PRTG: variants seen among roughly 807,000 people sequenced by gnomAD.
PRTG encodes protogenin, also known as immunoglobulin superfamily, DCC subclass, member 5.
A neutral mutation model predicts 122.5 loss-of-function variants in PRTG; 67 were observed. The ratio of observed to expected loss-of-function variants is 0.55; its 90% CI spans 0.45 to 0.67. The LOEUF (loss-of-function observed/expected upper bound fraction) is 0.67, where lower values mean the gene tolerates loss of function less well. Among genes scored for constraint, PRTG ranks in the 30% least tolerant of loss-of-function variants. PRTG has a pLI of 0.00. For synonymous variants in PRTG, 554 were observed against 501.1 expected (o/e 1.11, Z -1.41); for missense variants, 1,435 against 1,415.4 (o/e 1.01, Z -0.22).
intron 11 of PRTG, among the ~76,000 whole-genome samples, chr15:55,658,315 TA>T (rs2059391415): frequency 6.6e-6 from 1 of 151,586 alleles, no homozygotes; most frequent in African/African-American, 2.4e-5. Context: ...TTATTGTTTT[TA>T]TTTTTTTTTT....
At chr15:55,664,103 A>G (rs868713308) in intron 11 of PRTG, among the ~76,000 whole-genome samples, 4 of 152,080 alleles carry the variant, frequency 2.6e-5, no homozygotes, top group Middle Eastern at 6.8e-3. Flanking sequence ...ATTTGTGTAC[A>G]GTTTTTTTGT....
chr15:55,706,539 G>A (rs138324990), intron 2 of PRTG, among the ~76,000 whole-genome samples: 239 of 144,270 alleles, frequency 1.7e-3, no homozygotes, highest in African/African-American at 6.0e-3. Context: ...AAGGCCAGGA[G>A]TTTGAGACCT....
intron 18 of PRTG, 39 bp downstream of exon 18, chr15:55,624,303 G>A: frequency 6.3e-7 from 1 of 1,593,768 alleles, no homozygotes; most frequent in Non-Finnish European, 8.6e-7. Context: ...GAGGAGGAAT[G>A]GAAGAACGGC....
intron 3 of PRTG, 102 bp from the exon 4 acceptor site, chr15:55,682,599 T>C (rs2059546845): frequency 1.0e-5 from 4 of 391,878 alleles, no homozygotes; most frequent in Non-Finnish European, 1.5e-5. Flanking sequence ...AGTTTCACTC[T>C]TGTTGCCCCG....
At chr15:55,662,742 G>A (rs959066299) in intron 11 of PRTG, among the ~76,000 whole-genome samples, 1 of 152,118 alleles carries the variant, frequency 6.6e-6, no homozygotes, top group African/African-American at 2.4e-5. Context: ...ATTTCAATGA[G>A]ATTTGCTGGA....
Position 55,692,943 on chromosome 15 carries a change from C to A in PRTG, c.398-9012G>T, listed in dbSNP as rs560892882. Among the ~76,000 whole-genome samples the A allele has an allele frequency of 2.1e-5, 3 of 145,142 alleles. No individual in the cohort carries two copies. In the East Asian group the frequency reaches 6.4e-4, roughly 31 times the overall value. The stretch of plus-strand genomic sequence containing the variant: ...GCAACCTCTGTCTCCCGGGTTCAAG[C>A]AATTCTCCTGCTTCAGCCTCCCCAG... On this transcript the variant is annotated intron_variant, in intron 2 of 19. Transcript: ENST00000389286.
chr15:55,711,796 T>C (rs1191747662), intron 2 of PRTG, among the ~76,000 whole-genome samples: 2 of 152,202 alleles, frequency 1.3e-5, no homozygotes, highest in East Asian at 1.9e-4. Flanking sequence ...TAGACAATAA[T>C]ATATACTTAC....
intron 2 of PRTG, among the ~76,000 whole-genome samples, chr15:55,714,783 A>T (rs2030537026): frequency 6.6e-6 from 1 of 152,190 alleles, no homozygotes; most frequent in Non-Finnish European, 1.5e-5. Context: ...ATCAAAATTG[A>T]GCAGCTTCTT....
chr15:55,665,507 G>GTT (rs372611832), intron 11 of PRTG, among the ~76,000 whole-genome samples: 1 of 121,520 alleles, frequency 8.2e-6, no homozygotes, highest in Non-Finnish European at 1.6e-5. Context: ...GGTTTTTTTT[G>GTT]TTTTTTTTTT....
At chr15:55,700,623 A>T in intron 2 of PRTG, among the ~76,000 whole-genome samples, 1 of 152,052 alleles carries the variant, frequency 6.6e-6, no homozygotes, top group Non-Finnish European at 1.5e-5. Context: ...CTCAACAAAA[A>T]ATAAACAACT....
At position 55,620,186 on chromosome 15, in the gene PRTG, G is replaced by A. The variant is rs1342347874; in HGVS notation, c.3279C>T (p.Ser1093=). 1.2e-6 allele frequency: 2 copies of A among 1,614,194 alleles called. No individual in the cohort carries two copies. The highest frequency in any genetic ancestry group is 3.3e-5 in the Admixed American group (2 of 60,020). The change falls in exon 20 of 20, where the codon AGC becomes AGT. Residue 1093 remains serine (S), a synonymous_variant. Transcript: ENST00000389286. ...AGAAGCTGGTTGTCTGACCTGGGGA[G>A]CTAGGGGAGTCTTCATCACTGATTA... ...TVLISDEDSP[S]SPGQTTSFSR... is the part of the protein sequence containing the mutation.
intron 2 of PRTG, among the ~76,000 whole-genome samples, chr15:55,685,036 T>TG (rs1316510362): frequency 6.6e-6 from 1 of 152,174 alleles, no homozygotes; most frequent in Non-Finnish European, 1.5e-5. Flanking sequence ...AGGTTTCCCT[T>TG]CCTTCTACTA....
chr15:55,624,769 T>C (rs1309733865), intron 17 of PRTG, among the ~76,000 whole-genome samples: 2 of 152,254 alleles, frequency 1.3e-5, no homozygotes, highest in Non-Finnish European at 2.9e-5. Context: ...TCATAATTTG[T>C]GCAGAAATTA....
intron 2 of PRTG, among the ~76,000 whole-genome samples, chr15:55,691,223 G>C (rs904646287): frequency 4.0e-5 from 6 of 150,742 alleles, no homozygotes; most frequent in Admixed American, 3.3e-4. Context: ...TTGAACCTGG[G>C]AGGTGGAGGT....
chr15:55,695,456 G>A (rs978843170), intron 2 of PRTG, among the ~76,000 whole-genome samples: 2 of 152,146 alleles, frequency 1.3e-5, no homozygotes, highest in Admixed American at 6.5e-5. Flanking sequence ...AAATAATGAG[G>A]TCAGAATCCT....
At chr15:55,658,482 T>C (rs1366866513) in intron 11 of PRTG, among the ~76,000 whole-genome samples, 1 of 152,100 alleles carries the variant, frequency 6.6e-6, no homozygotes, top group African/African-American at 2.4e-5. Flanking sequence ...AATGCCCAGC[T>C]AATTTTTGTA....
chr15:55,654,723 A>G (rs969736705), intron 11 of PRTG, among the ~76,000 whole-genome samples: 2 of 152,206 alleles, frequency 1.3e-5, no homozygotes, highest in Non-Finnish European at 2.9e-5. Context: ...ATTTTTATAG[A>G]CTGACAGAGA....
At chr15:55,683,492 C>G (rs2059552873) in intron 3 of PRTG, among the ~76,000 whole-genome samples, 1 of 152,156 alleles carries the variant, frequency 6.6e-6, no homozygotes, top group South Asian at 2.1e-4. Context: ...AGAGTGTAAT[C>G]TGGTTTCCTA....
intron 2 of PRTG, among the ~76,000 whole-genome samples, chr15:55,716,300 A>G (rs191269929): frequency 2.0e-5 from 3 of 152,232 alleles, no homozygotes; most frequent in Admixed American, 1.3e-4. Context: ...ATAAAATTAT[A>G]TATCAATCAC....
Sources: gnomAD v4.1 joint callset for allele counts (sites outside exome capture counted in the v4.1 genomes callset) on GRCh38, gnomAD v4.1.1 for gene constraint, MANE v1.5 for transcripts, NCBI Gene and HGNC (gene_info 2026-07-23, HGNC 2026-07-21) for gene names.